XXYLT1: variants seen among roughly 807,000 people sequenced by gnomAD.
XXYLT1 encodes the protein xyloside xylosyltransferase 1, also known as UDP-xylose:alpha-xyloside alpha-1,3-xylosyltransferase.
In XXYLT1, 20 loss-of-function variants were observed where a neutral mutation model predicts 28.9. The observed-to-expected ratio is 0.69, with a 90% confidence interval of 0.49 to 1.00. The LOEUF (loss-of-function observed/expected upper bound fraction) is 1.00. Among genes scored for constraint, XXYLT1 ranks in the 50% least tolerant of loss-of-function variants. XXYLT1 has a pLI of 0.00. For synonymous variants in XXYLT1, 257 were observed against 253.8 expected (o/e 1.01, Z -0.12); for missense variants, 542 against 560.1 (o/e 0.97, Z 0.33).
Position 195,256,589 on chromosome 3 carries a change from T to G in XXYLT1, c.504+13966A>C, listed in dbSNP as rs571876610. On this transcript the variant is annotated intron_variant, in intron 1 of 3. Transcript: ENST00000310380. The surrounding 1 kb of genome is among the most constrained non-coding windows in gnomAD (Gnocchi z 4.2). ...CAACTTCTCACCCGCACATTCAGGA[T>G]GGGGTCTGGAAAGGGCATGAGCTCT... 156 of 985,312 alleles carry G rather than the reference T, an allele frequency of 1.6e-4. 1 individual carries two copies. In the African/African-American group the frequency reaches 2.5e-3, roughly 16 times the overall value. 61.0% of individuals were successfully genotyped at this position (985,312 alleles called of 1,614,324 possible). A position where few individuals can be genotyped will look rare whatever the true frequency, so the allele number is the denominator to read the frequency against.
intron 3 of XXYLT1, among the ~76,000 whole-genome samples, chr3:195,103,374 C>A (rs1024126741): frequency 6.7e-6 from 1 of 150,320 alleles, no homozygotes; most frequent in Admixed American, 6.6e-5. Context: ...CAGCGGCCTG[C>A]GTCCATCACC....
intron 2 of XXYLT1, among the ~76,000 whole-genome samples, chr3:195,169,012 T>C (rs569860664): frequency 1.3e-5 from 2 of 152,154 alleles, no homozygotes; most frequent in Non-Finnish European, 2.9e-5. Flanking sequence ...AAAACAACAG[T>C]GTATTACTAT....
intron 2 of XXYLT1, among the ~76,000 whole-genome samples, chr3:195,193,244 C>T (rs1162144453): frequency 2.7e-5 from 4 of 150,010 alleles, no homozygotes; most frequent in Non-Finnish European, 4.4e-5. Flanking sequence ...GCGGAGGTCA[C>T]ACCACTGCAC....
At chr3:195,259,515 C>A (rs1725603786) in intron 1 of XXYLT1, 4 of 958,260 alleles carry the variant, frequency 4.2e-6, no homozygotes, top group South Asian at 9.6e-5. Context: ...CCCTGCCAGG[C>A]GGCCCTTCCA....
intron 2 of XXYLT1, among the ~76,000 whole-genome samples, chr3:195,192,572 A>G (rs567375853): frequency 2.2e-4 from 33 of 152,382 alleles, no homozygotes; most frequent in African/African-American, 7.7e-4. Flanking sequence ...AAAGAATTAC[A>G]TAGAATAGCT....
chr3:195,246,400 C>T (rs1725025909), intron 1 of XXYLT1, among the ~76,000 whole-genome samples: 1 of 152,204 alleles, frequency 6.6e-6, no homozygotes, highest in African/African-American at 2.4e-5. Context: ...CAAGCAGATA[C>T]AGAGACGAAG....
chr3:195,101,628 C>A (rs1405040568), intron 3 of XXYLT1, among the ~76,000 whole-genome samples: 1 of 151,852 alleles, frequency 6.6e-6, no homozygotes, highest in Non-Finnish European at 1.5e-5. Flanking sequence ...ACATCTGGCC[C>A]CTTTTAAAGA....
At chr3:195,128,037 G>T (rs1874099) in intron 3 of XXYLT1, among the ~76,000 whole-genome samples, 28,850 of 152,002 alleles carry the variant, frequency 0.19, 3,309 homozygotes, top group East Asian at 0.56. Context: ...AAGTGAAAGA[G>T]CCTGGCATGC....
chr3:195,144,082 C>T (rs1034866460), intron 3 of XXYLT1, among the ~76,000 whole-genome samples: 5 of 148,296 alleles, frequency 3.4e-5, no homozygotes, highest in African/African-American at 4.9e-5. Flanking sequence ...TTATTAGAGA[C>T]GGGGTTTCAC....
intron 1 of XXYLT1, among the ~76,000 whole-genome samples, chr3:195,263,312 G>A (rs1019525038): frequency 2.0e-5 from 3 of 152,198 alleles, no homozygotes; most frequent in Non-Finnish European, 4.4e-5. Flanking sequence ...CCTGTAAAGT[G>A]GATGCGAAGG....
At position 195,069,521 on chromosome 3, in the gene XXYLT1, CAGCAGTGCACAGGCCAGT is replaced by C; in HGVS notation, c.*176_*193del. 1.4e-6 allele frequency: 1 copy of C among 710,260 alleles called. No individual in the cohort carries two copies. Among genetic ancestry groups the C allele is most frequent in the South Asian group, 2.0e-5 (1 of 49,262 alleles). The allele number at this position is 710,260 out of a possible 1,614,324, so 44.0% of individuals were successfully genotyped here. ...CCTGGAGGAATAAGGTCCCAAGCAC[CAGCAGTGCACAGGCCAGT>C]CCTTGGCGGGTGGCCTCAGCACAGT... On this transcript the variant is annotated 3_prime_UTR_variant, in exon 4 of 4. Coordinates refer to ENST00000310380, the MANE Select transcript of XXYLT1 (RefSeq NM_152531.5).
chr3:195,202,724 G>A (rs1246609724), intron 2 of XXYLT1, among the ~76,000 whole-genome samples: 1 of 152,202 alleles, frequency 6.6e-6, no homozygotes, highest in East Asian at 1.9e-4. Flanking sequence ...CCGATGCATA[G>A]TTTCCAGTCC....
At chr3:195,151,705 T>G (rs1006827253) in intron 3 of XXYLT1, among the ~76,000 whole-genome samples, 3 of 151,984 alleles carry the variant, frequency 2.0e-5, no homozygotes, top group African/African-American at 4.8e-5. Context: ...CTGTGCAATA[T>G]TTGGGACATA....
At chr3:195,227,126 T>A (rs1560162923) in intron 1 of XXYLT1, among the ~76,000 whole-genome samples, 1 of 151,800 alleles carries the variant, frequency 6.6e-6, no homozygotes, top group Non-Finnish European at 1.5e-5. Context: ...GGAAGAGAAG[T>A]GGGAGGACAG....
chr3:195,104,864 C>CT (rs1419572141), intron 3 of XXYLT1, among the ~76,000 whole-genome samples: 1 of 152,098 alleles, frequency 6.6e-6, no homozygotes, highest in Non-Finnish European at 1.5e-5. Context: ...TTTGCAGTCC[C>CT]TTTCCCAGTG....
At chr3:195,224,701 G>A (rs974288927) in intron 2 of XXYLT1, among the ~76,000 whole-genome samples, 1 of 152,154 alleles carries the variant, frequency 6.6e-6, no homozygotes, top group African/African-American at 2.4e-5. Context: ...GGAGGTGAAG[G>A]GAGGGCAGGC....
At chr3:195,097,678 C>T (rs1716524876) in intron 3 of XXYLT1, among the ~76,000 whole-genome samples, 1 of 152,208 alleles carries the variant, frequency 6.6e-6, no homozygotes, top group South Asian at 2.1e-4. Context: ...CCTCGGCTGC[C>T]TCTCAGTGCA....
intron 3 of XXYLT1, among the ~76,000 whole-genome samples, chr3:195,141,299 G>A (rs144326658): frequency 6.6e-5 from 10 of 152,246 alleles, no homozygotes; most frequent in Non-Finnish European, 1.5e-4. Context: ...CTCCCCTTCC[G>A]GCTCTAACAG....
chr3:195,266,124 G>A (rs1046795604), intron 1 of XXYLT1, among the ~76,000 whole-genome samples: 1 of 152,132 alleles, frequency 6.6e-6, no homozygotes, highest in Non-Finnish European at 1.5e-5. Flanking sequence ...CACTGCTGTG[G>A]GTCTAGGACA....
Sources: gnomAD v4.1 joint callset for allele counts (sites outside exome capture counted in the v4.1 genomes callset) on GRCh38, gnomAD v4.1.1 for gene constraint, Gnocchi (gnomAD v3.1) non-coding constraint, MANE v1.5 for transcripts, NCBI Gene and HGNC (gene_info 2026-07-23, HGNC 2026-07-21) for gene names.